The following CYB5R4 variants were observed in gnomAD, a reference collection of about 807,000 sequenced individuals.
The protein encoded by CYB5R4 is N-terminal cytochrome b5 and cytochrome b5 oxidoreductase domain-containing protein.
In CYB5R4, 55 loss-of-function variants were observed where a neutral mutation model predicts 70.2. The observed-to-expected ratio is 0.78, with a 90% CI of 0.63 to 0.98. The LOEUF (loss-of-function observed/expected upper bound fraction) is 0.98. Among genes scored for constraint, CYB5R4 ranks in the 50% least tolerant of loss-of-function variants. The pLI is 0.00. For synonymous variants in CYB5R4, 197 were observed against 199.5 expected (o/e 0.99, Z 0.11); for missense variants, 562 against 612.6 (o/e 0.92, Z 0.87).
At chr6:83,901,198 A>T (rs375749309) in intron 3 of CYB5R4, among the ~76,000 whole-genome samples, 1 of 152,052 alleles carries the variant, frequency 6.6e-6, no homozygotes, top group Non-Finnish European at 1.5e-5. Context: ...GTCTGTAAAG[A>T]ATTTTATTTC....
At chr6:83,900,972 A>T (rs558583420) in intron 3 of CYB5R4, among the ~76,000 whole-genome samples, 1 of 152,292 alleles carries the variant, frequency 6.6e-6, no homozygotes, top group East Asian at 1.9e-4. Flanking sequence ...TTTATGTTTA[A>T]TGTTAATATT....
chr6:83,917,406 T>C (rs2129139378), intron 5 of CYB5R4, among the ~76,000 whole-genome samples: 1 of 152,270 alleles, frequency 6.6e-6, no homozygotes, highest in Non-Finnish European at 1.5e-5. Context: ...TTTAAGAATA[T>C]GCATGTACCT....
Position 83,967,184 on chromosome 6 carries a change from A to G in CYB5R4, c.*7306A>G, listed in dbSNP as rs1477719252. On this transcript the variant is annotated 3_prime_UTR_variant, in exon 16 of 16. Transcript: ENST00000369681. ...AAAAACTTGGGAAATATTGTTTTCC[A>G]AAGCCTTTCCTAAGTAATCTACAAA... 6.6e-6 allele frequency: 1 copy of G among 152,214 alleles called. No homozygotes were observed. Among genetic ancestry groups the G allele is most frequent in the African/African-American group, 2.4e-5 (1 of 41,462 alleles). The allele number at this position is 152,214 out of a possible 1,614,324, so 9.4% of individuals were successfully genotyped here.
intron 4 of CYB5R4, chr6:83,910,331 G>A: frequency 3.4e-6 from 2 of 581,750 alleles, no homozygotes; most frequent in South Asian, 2.0e-5. Context: ...CTAACTGATA[G>A]GGGAGAAGTA....
At position 83,864,161 on chromosome 6, in the gene CYB5R4, T is replaced by C; in HGVS notation, c.76-14T>C. 1 of 1,541,396 alleles carries C rather than the reference T, an allele frequency of 6.5e-7. No homozygotes were observed. Among genetic ancestry groups the C allele is most frequent in the Non-Finnish European group, 8.7e-7 (1 of 1,148,206 alleles). On this transcript the variant is annotated splice_polypyrimidine_tract_variant and intron_variant, in intron 1 of 15. Coordinates refer to ENST00000369681, the MANE Select transcript of CYB5R4 (RefSeq NM_016230.4). Reference sequence around the variant, plus strand: ...AATGAAGCTAGATTTAATTCTTCCTTTTTCCATTTTTAGGTACCTTTAAAA... The same window carrying C: ...AATGAAGCTAGATTTAATTCTTCCTCTTTCCATTTTTAGGTACCTTTAAAA...
chr6:83,921,508 T>C (rs2099466369), intron 8 of CYB5R4, among the ~76,000 whole-genome samples: 1 of 152,218 alleles, frequency 6.6e-6, no homozygotes, highest in Admixed American at 6.5e-5. Context: ...TGACTGTCCT[T>C]CGCTAGGTGG....
At chr6:83,882,559 A>G (rs1437488856) in intron 2 of CYB5R4, among the ~76,000 whole-genome samples, 1 of 152,194 alleles carries the variant, frequency 6.6e-6, no homozygotes, top group Non-Finnish European at 1.5e-5. Context: ...TCAGAATATA[A>G]TCCAAAGTTA....
At chr6:83,896,104 A>G (rs1320797962) in intron 3 of CYB5R4, among the ~76,000 whole-genome samples, 1 of 151,748 alleles carries the variant, frequency 6.6e-6, no homozygotes, top group East Asian at 1.9e-4. Context: ...GAATTCCCGG[A>G]GTAATCTTTT....
rs58449931 is a variant in CYB5R4 at position 83,880,331 on chromosome 6, C to T, written c.230-13191C>T. On this transcript the variant is annotated intron_variant, in intron 2 of 15. Coordinates refer to ENST00000369681, the MANE Select transcript of CYB5R4 (RefSeq NM_016230.4). The stretch of plus-strand genomic sequence containing the variant: ...TTGGAAAATAGGAAATAGCCAAGAG[C>T]GGAAGGACTCATTGGCTTTAATTTT... Among the ~76,000 whole-genome samples the T allele has an allele frequency of 4.5e-3, 688 of 152,162 alleles. 6 individuals carry two copies. The highest frequency in any genetic ancestry group is 0.015 in the African/African-American group (642 of 41,522).
At chr6:83,957,904 C>T (rs2099472677) in intron 15 of CYB5R4, among the ~76,000 whole-genome samples, 1 of 152,070 alleles carries the variant, frequency 6.6e-6, no homozygotes, top group Non-Finnish European at 1.5e-5. Flanking sequence ...TTTCCTTATC[C>T]TCATCATCTT....
chr6:83,936,520 G>A, intron 12 of CYB5R4, 144 bp downstream of exon 12: 1 of 672,396 alleles, frequency 1.5e-6, no homozygotes, highest in East Asian at 3.0e-5. Flanking sequence ...GTCCTACACA[G>A]CGTGGCCATG....
chr6:83,866,197 T>A (rs2099456700), intron 2 of CYB5R4, among the ~76,000 whole-genome samples: 1 of 152,178 alleles, frequency 6.6e-6, no homozygotes, highest in Non-Finnish European at 1.5e-5. Context: ...CATATCCTAG[T>A]GATATTAGAT....
At chr6:83,875,352 C>T (rs922031258) in intron 2 of CYB5R4, among the ~76,000 whole-genome samples, 15 of 151,902 alleles carry the variant, frequency 9.9e-5, no homozygotes, top group Admixed American at 8.5e-4. Context: ...CTTAAGCGGT[C>T]CTCCTATATC....
intron 14 of CYB5R4, among the ~76,000 whole-genome samples, chr6:83,954,515 G>A (rs2099472029): frequency 1.3e-5 from 2 of 150,980 alleles, no homozygotes; most frequent in South Asian, 4.2e-4. Context: ...TACACACTAG[G>A]AGGGTTTTCA....
At chr6:83,901,262 T>G (rs1041098544) in intron 3 of CYB5R4, among the ~76,000 whole-genome samples, 7 of 152,224 alleles carry the variant, frequency 4.6e-5, no homozygotes, top group Non-Finnish European at 1.0e-4. Context: ...GGTTGAAAAT[T>G]CTTTTCTTGA....
chr6:83,903,709 A>C (rs2099463351), intron 3 of CYB5R4, among the ~76,000 whole-genome samples: 1 of 151,550 alleles, frequency 6.6e-6, no homozygotes, highest in Non-Finnish European at 1.5e-5. Flanking sequence ...TTTATTACTG[A>C]TTCAATCTTG....
chr6:83,905,176 G>A (rs1206705199), intron 3 of CYB5R4, among the ~76,000 whole-genome samples: 5 of 151,876 alleles, frequency 3.3e-5, no homozygotes, highest in African/African-American at 7.3e-5. Flanking sequence ...TGCCTCAGCC[G>A]CCCAAGTAGC....
intron 3 of CYB5R4, among the ~76,000 whole-genome samples, chr6:83,894,783 T>C (rs1186827296): frequency 4.2e-5 from 6 of 143,826 alleles, no homozygotes; most frequent in African/African-American, 1.7e-4. Flanking sequence ...GAAAATATAT[T>C]TATATTCCTT....
rs540522856 is a variant in CYB5R4 at position 83,923,046 on chromosome 6, T to A, written c.691+576T>A. Among the ~76,000 whole-genome samples, 26 of 144,368 alleles carry A rather than the reference T, an allele frequency of 1.8e-4. No homozygotes were observed. In the South Asian group the frequency reaches 5.2e-3, roughly 29 times the overall value. 94.7% of individuals were successfully genotyped at this position (144,368 alleles called of 152,430 possible). A position where few individuals can be genotyped will look rare whatever the true frequency, so the allele number is the denominator to read the frequency against. Reference sequence around the variant, plus strand: ...CTTTAACCTTTCTTTTTTTTCTCCTTAAAAAAAAAAAAATCTGTCTCCTTT... The same window carrying A: ...CTTTAACCTTTCTTTTTTTTCTCCTAAAAAAAAAAAAAATCTGTCTCCTTT... On this transcript the variant is annotated intron_variant, in intron 9 of 15. Coordinates refer to ENST00000369681, the MANE Select transcript of CYB5R4 (RefSeq NM_016230.4).
Sources: gnomAD v4.1 joint callset for allele counts (sites outside exome capture counted in the v4.1 genomes callset) on GRCh38, gnomAD v4.1.1 for gene constraint, MANE v1.5 for transcripts, NCBI Gene and HGNC (gene_info 2026-07-23, HGNC 2026-07-21) for gene names.